Variants in UGT1A7 observed in about 807,000 individuals in gnomAD.
UGT1A7 encodes UDP-glucuronosyltransferase 1A7.
Under a neutral mutation model 45.6 loss-of-function variants are expected in UGT1A7, and 33 were observed. The ratio of observed to expected loss-of-function variants is 0.72; its 90% confidence interval spans 0.55 to 0.97. The LOEUF (loss-of-function observed/expected upper bound fraction) is 0.97, where lower values mean the gene tolerates loss of function less well. UGT1A7 is among the 50% of genes least tolerant of loss of function. UGT1A7 has a pLI of 0.00. For synonymous variants in UGT1A7, 274 were observed against 250.6 expected (o/e 1.09, Z -0.88); for missense variants, 684 against 666.2 (o/e 1.03, Z -0.29).
At chr2:233,696,454 G>T (rs1177570057) in intron 1 of UGT1A7, among the ~76,000 whole-genome samples, 1 of 152,112 alleles carries the variant, frequency 6.6e-6, no homozygotes, top group Non-Finnish European at 1.5e-5. Context: ...AAATGCTACT[G>T]ATTTTTGTAA....
intron 1 of UGT1A7, chr2:233,713,987 A>C: frequency 6.3e-7 from 1 of 1,580,416 alleles, no homozygotes; most frequent in Non-Finnish European, 8.6e-7. Flanking sequence ...CATTGTTGTA[A>C]TAGTCTTCAG....
intron 3 of UGT1A7, 26 bp downstream of exon 3, chr2:233,767,962 G>A: frequency 5.0e-6 from 8 of 1,614,120 alleles, no homozygotes; most frequent in Non-Finnish European, 5.9e-6. Flanking sequence ...TGGATGTATA[G>A]GTCAAACCAG....
chr2:233,730,924 C>G (rs2078090552), intron 1 of UGT1A7, among the ~76,000 whole-genome samples: 1 of 152,176 alleles, frequency 6.6e-6, no homozygotes, highest in Non-Finnish European at 1.5e-5. Context: ...AGGCAGCTTT[C>G]ATTAATCCAG....
intron 1 of UGT1A7, chr2:233,719,192 T>A (rs770140125): frequency 1.2e-5 from 20 of 1,614,046 alleles, no homozygotes; most frequent in Admixed American, 1.2e-4. Flanking sequence ...CTTTGGCCCT[T>A]CATAGGTGTT....
chr2:233,713,382 C>G lies in UGT1A7; in HGVS notation c.855+30590C>G, dbSNP rs201021989. 48 of 1,614,012 alleles carry G rather than the reference C, an allele frequency of 3.0e-5. No homozygotes were observed. The highest frequency in any genetic ancestry group is 4.0e-5 in the Non-Finnish European group (47 of 1,180,030). ...GATCATACATAGGTCTTGTGTGGAG[C>G]TACTGCATAATGAGGCCCTGATCAG... On this transcript the variant is annotated intron_variant, in intron 1 of 4. Coordinates refer to ENST00000373426, the MANE Select transcript of UGT1A7 (RefSeq NM_019077.3).
chr2:233,718,954 G>A (rs766332804), intron 1 of UGT1A7: 15 of 1,614,094 alleles, frequency 9.3e-6, no homozygotes, highest in East Asian at 6.7e-5. Context: ...CTCAGCATGC[G>A]GGAGGCCTTG....
chr2:233,706,268 A>T (rs1234933778), intron 1 of UGT1A7, among the ~76,000 whole-genome samples: 1 of 152,148 alleles, frequency 6.6e-6, no homozygotes, highest in Non-Finnish European at 1.5e-5. Flanking sequence ...TGGATTGCCC[A>T]ACCTCAGGGG....
chr2:233,747,509 G>A (rs1693700205), intron 1 of UGT1A7: 24 of 1,607,862 alleles, frequency 1.5e-5, no homozygotes, highest in Non-Finnish European at 1.9e-5. Flanking sequence ...ACACTCAACT[G>A]TACTTTGAAA....
At chr2:233,687,056 G>A (rs2074820824) in intron 1 of UGT1A7, among the ~76,000 whole-genome samples, 1 of 152,178 alleles carries the variant, frequency 6.6e-6, no homozygotes, top group African/African-American at 2.4e-5. Context: ...GGACCCTGGA[G>A]TCCTCCAAGC....
intron 1 of UGT1A7, among the ~76,000 whole-genome samples, chr2:233,683,455 T>C (rs1380614720): frequency 6.6e-6 from 1 of 152,140 alleles, no homozygotes; most frequent in African/African-American, 2.4e-5. Flanking sequence ...GTATACTTTC[T>C]TTACATTATA....
chr2:233,681,988 G>A lies in UGT1A7; in HGVS notation c.51G>A (p.Leu17=). 6.2e-7 allele frequency: 1 copy of A among 1,614,144 alleles called. No individual in the cohort carries two copies. The highest frequency in any genetic ancestry group is 8.5e-7 in the Non-Finnish European group (1 of 1,180,014). Reference sequence around the variant, plus strand: ...TCCTTCCCCTATATGTGTGTCTACTGCTGACCTGTGGCTTTGCCAAGGCAG... The same window carrying A: ...TCCTTCCCCTATATGTGTGTCTACTACTGACCTGTGGCTTTGCCAAGGCAG... ...TGLLPLYVCL[L]LTCGFAKAGK... Residue 17 remains leucine (L), a synonymous_variant, in exon 1 of 5, where the codon CTG becomes CTA. Transcript: ENST00000373426.
intron 1 of UGT1A7, chr2:233,760,792 G>A (rs1185395607): frequency 1.2e-6 from 2 of 1,613,510 alleles, no homozygotes; most frequent in Non-Finnish European, 1.7e-6. Context: ...TCTGCCCACT[G>A]TATTCTTCTT....
rs1043133002 is a variant in UGT1A7 at position 233,769,410 on chromosome 2, C to A, written c.1295+971C>A. 7.5e-7 allele frequency: 1 copy of A among 1,333,034 alleles called. No homozygotes were observed. The highest frequency in any genetic ancestry group is 1.1e-6 in the Non-Finnish European group (1 of 947,460). The allele number at this position is 1,333,034 out of a possible 1,614,324, so 82.6% of individuals were successfully genotyped here. ...GATACTGTGTGCATATGTGCGTGTG[C>A]GTTTGTGCATGTGGCTGTGCTCATG... On this transcript the variant is annotated intron_variant, in intron 4 of 4. Transcript: ENST00000373426. The surrounding 1 kb of genome is among the most constrained non-coding windows in gnomAD (Gnocchi z 4.4).
chr2:233,718,694 G>C, intron 1 of UGT1A7: 1 of 1,591,628 alleles, frequency 6.3e-7, no homozygotes, highest in Non-Finnish European at 8.5e-7. Context: ...CTGGAGGAGG[G>C]CACTTTGTCT....
intron 1 of UGT1A7, among the ~76,000 whole-genome samples, chr2:233,711,893 G>C (rs2076203137): frequency 6.6e-6 from 1 of 152,200 alleles, no homozygotes; most frequent in South Asian, 2.1e-4. Flanking sequence ...CGAGTCTCAT[G>C]GGCGTGAGAC....
chr2:233,695,725 A>G (rs148542326), intron 1 of UGT1A7, among the ~76,000 whole-genome samples: 2 of 152,086 alleles, frequency 1.3e-5, no homozygotes, highest in South Asian at 4.1e-4. Context: ...TTCCAGTTAC[A>G]TTTATGTTGC....
intron 2 of UGT1A7, among the ~76,000 whole-genome samples, 198 bp downstream of exon 2, chr2:233,767,363 TTAAA>T (rs1699378447): frequency 6.6e-6 from 1 of 152,194 alleles, no homozygotes; most frequent in African/African-American, 2.4e-5. Context: ...AAATACTCTA[TTAAA>T]CTATGATCCA....
intron 1 of UGT1A7, chr2:233,752,635 T>C (rs1695024610): frequency 6.6e-6 from 1 of 152,222 alleles, no homozygotes; most frequent in Admixed American, 6.5e-5. Flanking sequence ...AGCTGTTGTC[T>C]TAGTTACTGG....
chr2:233,756,979 A>C (rs1394621821), intron 1 of UGT1A7, among the ~76,000 whole-genome samples: 3 of 152,152 alleles, frequency 2.0e-5, no homozygotes. Flanking sequence ...CGCAATGAAC[A>C]GTCATAGTAA....
Sources: gnomAD v4.1 joint callset for allele counts (sites outside exome capture counted in the v4.1 genomes callset) on GRCh38, gnomAD v4.1.1 for gene constraint, Gnocchi (gnomAD v3.1) non-coding constraint, MANE v1.5 for transcripts, NCBI Gene and HGNC (gene_info 2026-07-23, HGNC 2026-07-21) for gene names.